ABCC11: variants seen among roughly 807,000 people sequenced by gnomAD.
The protein encoded by ABCC11 is ATP binding cassette subfamily C member 11, also known as ATP-binding cassette sub-family C member 11.
In ABCC11, 135 loss-of-function variants were observed where a neutral mutation model predicts 149.3. The ratio of observed to expected loss-of-function variants is 0.90; its 90% CI spans 0.79 to 1.04. The LOEUF (loss-of-function observed/expected upper bound fraction) is 1.04, where lower values mean the gene tolerates loss of function less well. Among genes scored for constraint, ABCC11 ranks in the 50% least tolerant of loss-of-function variants. The pLI, the probability that ABCC11 is intolerant of heterozygous loss-of-function variation, is 0.00. For missense variants in ABCC11, 1,680 were observed against 1,722.1 expected (o/e 0.98, Z 0.43); for synonymous variants, 665 against 671.4 (o/e 0.99, Z 0.15).
At chr16:48,223,138 G>A (rs562541951) in intron 5 of ABCC11, among the ~76,000 whole-genome samples, 1 of 152,310 alleles carries the variant, frequency 6.6e-6, no homozygotes, top group South Asian at 2.1e-4. Flanking sequence ...CAGAATATAG[G>A]AAATCCAACA....
At chr16:48,219,912 C>T (rs1046912571) in intron 6 of ABCC11, among the ~76,000 whole-genome samples, 1 of 152,168 alleles carries the variant, frequency 6.6e-6, no homozygotes, top group Admixed American at 6.5e-5. Flanking sequence ...ACCCAGAAGG[C>T]AGATGTTGCA....
At chr16:48,180,546 G>A (rs772337261) in intron 23 of ABCC11, among the ~76,000 whole-genome samples, 5 of 152,156 alleles carry the variant, frequency 3.3e-5, no homozygotes, top group African/African-American at 4.8e-5. Context: ...TCTTTGCCTC[G>A]CAGCCAGATG....
At chr16:48,232,170 C>T (rs1467388018) in intron 1 of ABCC11, 22 of 994,114 alleles carry the variant, frequency 2.2e-5, no homozygotes, top group Non-Finnish European at 2.9e-5. Flanking sequence ...CTCTAACCAC[C>T]CTCCCCAACC....
At chr16:48,230,274 G>A (rs905109293) in intron 3 of ABCC11, among the ~76,000 whole-genome samples, 163 bp downstream of exon 3, 2 of 152,198 alleles carry the variant, frequency 1.3e-5, no homozygotes, top group Non-Finnish European at 2.9e-5. Context: ...ATGAATGAAT[G>A]GCTATGACGA....
chr16:48,209,457 A>G (rs896453085), intron 11 of ABCC11: 2 of 152,244 alleles, frequency 1.3e-5, no homozygotes, highest in African/African-American at 4.8e-5. Flanking sequence ...TCTCATAAGG[A>G]GTGTGCAACC....
intron 10 of ABCC11, among the ~76,000 whole-genome samples, chr16:48,211,437 A>C (rs1968919689): frequency 6.6e-6 from 1 of 152,228 alleles, no homozygotes. Context: ...CAAACACTGC[A>C]CTGTCAACTG....
At position 48,224,407 on chromosome 16, in the gene ABCC11, C is replaced by A; in HGVS notation, c.418G>T (p.Glu140Ter). 1 of 1,614,186 alleles carries A rather than the reference C, an allele frequency of 6.2e-7. No homozygotes were observed. The highest frequency in any genetic ancestry group is 8.5e-7 in the Non-Finnish European group (1 of 1,180,030). The change falls in exon 5 of 30, where the codon GAA becomes TAA. Residue 140 changes from glutamate (E) to a stop codon, truncating the protein, a stop_gained. Transcript: ENST00000356608. LOFTEE classifies it high-confidence loss of function. ...VQRLHRLWEE[E>*]VSRRGIEKAS... The stretch of plus-strand genomic sequence containing the variant: ...TTTTCAATCCCTCGCCTTGAGACTT[C>A]TTCTTCCCAAAGGCGGTGAAGCCTT...
chr16:48,238,836 C>T (rs964547260), intron 1 of ABCC11, among the ~76,000 whole-genome samples: 8 of 143,996 alleles, frequency 5.6e-5, no homozygotes, highest in Non-Finnish European at 9.0e-5. Flanking sequence ...ACTTGGGAGG[C>T]TGAGGCAGAA....
At chr16:48,217,801 G>C (rs1321098636) in intron 6 of ABCC11, among the ~76,000 whole-genome samples, 1 of 152,034 alleles carries the variant, frequency 6.6e-6, no homozygotes, top group Non-Finnish European at 1.5e-5. Context: ...GCATAAATTG[G>C]TATAGCCACT....
intron 26 of ABCC11, 79 bp from the exon 27 acceptor site, chr16:48,171,046 C>G: frequency 8.1e-7 from 1 of 1,239,814 alleles, no homozygotes; most frequent in Non-Finnish European, 1.2e-6. Flanking sequence ...AGTGAATGAC[C>G]AAGAATGTTT....
In ABCC11 at chr16:48,214,932, C is replaced by T. The variant is rs73540894; in HGVS notation, c.1197G>A (p.Ala399=). ...TLFIIPTVAT[A]VWVLIHTSLK... is the part of the protein sequence containing the mutation. ...AGGATGTGTGGATGAGAACCCAGAC[C>T]GCTGTGGCCACTGTGGGGATGATGA... Residue 399 remains alanine, a synonymous_variant, in exon 9 of 30, where the codon GCG becomes GCA. Coordinates refer to ENST00000356608, the MANE Select transcript of ABCC11 (RefSeq NM_001370497.1). 1.9e-4 allele frequency: 305 copies of T among 1,614,070 alleles called. No homozygotes were observed. The African/African-American group carries it at 3.4e-3, about 18-fold the overall frequency.
chr16:48,239,878 C>T (rs921713240), intron 1 of ABCC11, among the ~76,000 whole-genome samples: 1 of 152,144 alleles, frequency 6.6e-6, no homozygotes, highest in Admixed American at 6.5e-5. Context: ...CATGAACAGA[C>T]ACTTCTCAAA....
At chr16:48,236,835 A>G (rs1970714185) in intron 1 of ABCC11, among the ~76,000 whole-genome samples, 1 of 152,214 alleles carries the variant, frequency 6.6e-6, no homozygotes, top group African/African-American at 2.4e-5. Context: ...TGTGTTTTAA[A>G]AACTAAATCC....
At chr16:48,225,822 C>T (rs1294445439) in intron 4 of ABCC11, among the ~76,000 whole-genome samples, 1 of 152,178 alleles carries the variant, frequency 6.6e-6, no homozygotes, top group African/African-American at 2.4e-5. Flanking sequence ...CTAATTCTTC[C>T]ATTCCTTCTG....
intron 13 of ABCC11, among the ~76,000 whole-genome samples, chr16:48,205,183 T>A (rs1968323490): frequency 6.6e-6 from 1 of 152,222 alleles, no homozygotes; most frequent in African/African-American, 2.4e-5. Context: ...CTCTATCACA[T>A]CCCACCACCT....
chr16:48,246,863 C>T (rs925990592), intron 1 of ABCC11, among the ~76,000 whole-genome samples: 1 of 152,182 alleles, frequency 6.6e-6, no homozygotes, highest in Middle Eastern at 3.2e-3. Context: ...CAAGCGCCAC[C>T]ATACCCTTCA....
At chr16:48,184,757 TG>T in intron 22 of ABCC11, 131 bp from the exon 23 acceptor site, 1 of 932,396 alleles carries the variant, frequency 1.1e-6, no homozygotes, top group Non-Finnish European at 1.6e-6. Flanking sequence ...GATTTTTCTT[TG>T]GGGAGTTCCT....
intron 11 of ABCC11, among the ~76,000 whole-genome samples, chr16:48,208,756 A>C (rs1968663070): frequency 1.3e-5 from 2 of 152,154 alleles, no homozygotes; most frequent in African/African-American, 4.8e-5. Context: ...AAGAACCCTG[A>C]ATTCCAGATT....
At chr16:48,208,387 C>A (rs1356400441) in intron 12 of ABCC11, 38 bp downstream of exon 12, 8 of 1,612,688 alleles carry the variant, frequency 5.0e-6, no homozygotes, top group Non-Finnish European at 6.8e-6. Flanking sequence ...GCCTGGACTG[C>A]CTGCAGACAG....
Sources: allele counts gnomAD v4.1 joint callset (sites outside exome capture counted in the v4.1 genomes callset), GRCh38; gene constraint gnomAD v4.1.1; transcripts MANE v1.5; gene names NCBI Gene and HGNC (gene_info 2026-07-23, HGNC 2026-07-21).